Variants in MAG observed in about 807,000 individuals in gnomAD.
The protein encoded by MAG is myelin associated glycoprotein.
Under a neutral mutation model 60.7 loss-of-function variants are expected in MAG, and 30 were observed. The observed-to-expected ratio is 0.49, with a 90% CI of 0.37 to 0.67. The LOEUF is 0.67. Ranked by LOEUF, MAG falls within the 30% of genes least tolerant of loss-of-function variation. The pLI, the probability that MAG is intolerant of heterozygous loss-of-function variation, is 0.00. For synonymous variants in MAG, 384 were observed against 376.8 expected (o/e 1.02, Z -0.22); for missense variants, 795 against 851.7 (o/e 0.93, Z 0.83).
Position 35,295,479 on chromosome 19 carries a change from C to T in MAG, c.46+25C>T. ...GGTAACGGCTGACAGGTGCTGGGGA[C>T]CTAAAGGCTTTGGCCCCTGAGCAGG... On this transcript the variant is annotated intron_variant, in intron 3 of 10. Transcript: ENST00000392213. This position sits in a 1 kb window ranked among gnomAD's most constrained non-coding sequence, Gnocchi z 5.8. The T allele has an allele frequency of 6.2e-7, 1 of 1,613,774 alleles. No homozygotes were observed. The highest frequency in any genetic ancestry group is 8.5e-7 in the Non-Finnish European group (1 of 1,179,924).
chr19:35,309,293 G>A (rs2066507151), intron 7 of MAG, among the ~76,000 whole-genome samples: 1 of 152,150 alleles, frequency 6.6e-6, no homozygotes, highest in South Asian at 2.1e-4. Context: ...TCAGTCCAAA[G>A]CATTTGGGAG....
chr19:35,301,249 T>C (rs1328916577), intron 6 of MAG, among the ~76,000 whole-genome samples: 3 of 152,152 alleles, frequency 2.0e-5, no homozygotes, highest in African/African-American at 7.2e-5. Flanking sequence ...TCCAGCCCCT[T>C]GTATGCACAT....
rs891004533 is a variant in MAG, at chr19:35,309,692, C to G, written c.1232-182C>G. On this transcript the variant is annotated intron_variant, in intron 7 of 10. Coordinates refer to ENST00000392213, the MANE Select transcript of MAG (RefSeq NM_002361.4). ...AGTGAAAACAGGCAGCCGGCGGGGTCGTAGTGAGGTCAAGGCGCTCTCAGT... is the reference window on the plus strand; with the variant it reads ...AGTGAAAACAGGCAGCCGGCGGGGTGGTAGTGAGGTCAAGGCGCTCTCAGT... 1.4e-5 allele frequency: 9 copies of G among 661,610 alleles called. No individual in the cohort carries two copies. The Admixed American group carries it at 1.6e-4, about 12-fold the overall frequency. The allele number at this position is 661,610 out of a possible 1,614,324, so 41.0% of individuals were successfully genotyped here.
rs575785271 is a variant in MAG at position 35,295,350 on chromosome 19, T to G, written c.-23-36T>G. ...CCCAGATGGAACACCCCCTTTCACT[T>G]CCCCCAGCCTTTAACCCTCTCCTCT... On this transcript the variant is annotated intron_variant, in intron 2 of 10. Coordinates refer to ENST00000392213, the MANE Select transcript of MAG (RefSeq NM_002361.4). The surrounding 1 kb of genome is among the most constrained non-coding windows in gnomAD (Gnocchi z 5.8). The G allele has an allele frequency of 6.3e-7, 1 of 1,592,972 alleles. No homozygotes were observed. The highest frequency in any genetic ancestry group is 1.1e-5 in the South Asian group (1 of 90,244).
At position 35,299,464 on chromosome 19, in the gene MAG, G is replaced by C. The variant is rs912963179; in HGVS notation, c.416-90G>C. ...TTGAGGAGTACCATTGCCAGCAATG[G>C]AGGTGGACAAGGAGGAGGGTGGGTG... On this transcript the variant is annotated intron_variant, in intron 4 of 10. Coordinates refer to ENST00000392213, the MANE Select transcript of MAG (RefSeq NM_002361.4). 1.5e-5 allele frequency: 13 copies of C among 876,622 alleles called. No homozygotes were observed. The South Asian group carries it at 1.8e-4, about 12-fold the overall frequency. 54.3% of individuals were successfully genotyped at this position (876,622 alleles called of 1,614,324 possible).
chr19:35,297,014 G>A (rs1038882989), intron 4 of MAG, among the ~76,000 whole-genome samples: 3 of 139,526 alleles, frequency 2.2e-5, no homozygotes, highest in East Asian at 4.7e-4. Flanking sequence ...AAGCAGCAGC[G>A]CCACTCAGAA....
At chr19:35,303,054 G>C (rs1249864133) in intron 7 of MAG, among the ~76,000 whole-genome samples, 2 of 151,854 alleles carry the variant, frequency 1.3e-5, no homozygotes, top group Admixed American at 6.6e-5. Context: ...CTCCTGAGTA[G>C]CTGGGATTAC....
intron 4 of MAG, among the ~76,000 whole-genome samples, chr19:35,299,323 C>T (rs2066428181): frequency 6.6e-6 from 1 of 152,194 alleles, no homozygotes; most frequent in Admixed American, 6.5e-5. Context: ...GGCCACGACA[C>T]TGTGATTTTC....
intron 9 of MAG, among the ~76,000 whole-genome samples, chr19:35,310,934 A>G (rs1292132417): frequency 2.0e-5 from 3 of 152,144 alleles, no homozygotes; most frequent in African/African-American, 7.2e-5. Flanking sequence ...TCTCCCCTAC[A>G]CACTCCAGTG....
At chr19:35,294,319 C>T (rs1380348813) in intron 2 of MAG, 29 bp downstream of exon 2, 2 of 433,300 alleles carry the variant, frequency 4.6e-6, no homozygotes. Context: ...ACTCTCTTCC[C>T]TTGCTTCAGC....
chr19:35,304,736 C>A lies in MAG; in HGVS notation c.1231+2028C>A, dbSNP rs947104913. Among the ~76,000 whole-genome samples the A allele has an allele frequency of 2.6e-5, 4 of 152,168 alleles. No individual in the cohort carries two copies. The East Asian group carries it at 5.8e-4, about 22-fold the overall frequency. On this transcript the variant is annotated intron_variant, in intron 7 of 10. Coordinates refer to ENST00000392213, the MANE Select transcript of MAG (RefSeq NM_002361.4). Reference sequence around the variant, plus strand: ...TTTATTTTTAGTAGAGACGGGGTTTCTCCATGTTGCCCAGGCTGTTCTCCA... The same window carrying A: ...TTTATTTTTAGTAGAGACGGGGTTTATCCATGTTGCCCAGGCTGTTCTCCA...
At chr19:35,309,837 C>T in intron 7 of MAG, 37 bp from the exon 8 acceptor site, 4 of 1,588,956 alleles carry the variant, frequency 2.5e-6, no homozygotes, top group African/African-American at 2.7e-5. Flanking sequence ...CTCGCGTTGG[C>T]TCCGGGCCAC....
chr19:35,297,276 C>A lies in MAG; in HGVS notation c.415+1295C>A, dbSNP rs568687571. 9.0e-5 allele frequency among the ~76,000 whole-genome samples: 13 copies of A among 143,700 alleles called. No homozygotes were observed. The South Asian group carries it at 1.8e-3, about 20-fold the overall frequency. The allele number at this position is 143,700 out of a possible 152,430, so 94.3% of individuals were successfully genotyped here. A position where few individuals can be genotyped will look rare whatever the true frequency, so the allele number is the denominator to read the frequency against. ...CAAACCACACACCACACACTTCATA[C>A]ACTACACACACTACCCACACACCAC... On this transcript the variant is annotated intron_variant, in intron 4 of 10. Coordinates refer to ENST00000392213, the MANE Select transcript of MAG (RefSeq NM_002361.4).
chr19:35,299,571 G>A lies in MAG; in HGVS notation c.433G>A (p.Val145Met). Residue 145 changes from valine (V) to methionine (M), a missense_variant, in exon 5 of 11, where the codon GTG becomes ATG. By Grantham distance (21) the Val-to-Met change is conservative. Coordinates refer to ENST00000392213, the MANE Select transcript of MAG (RefSeq NM_002361.4). ...TCGTATAGACACCCCCAACATCGTG[G>A]TGCCCCCAGAGGTGGTGGCAGGCAC... ...LDIVNTPNIV[V>M]PPEVVAGTEV... 2 of 1,591,946 alleles carry A rather than the reference G, an allele frequency of 1.3e-6. No individual in the cohort carries two copies. Among genetic ancestry groups the A allele is most frequent in the South Asian group, 2.2e-5 (2 of 89,450 alleles).
At chr19:35,292,751 C>CT (rs1205999125) in intron 1 of MAG, among the ~76,000 whole-genome samples, 2 of 151,842 alleles carry the variant, frequency 1.3e-5, no homozygotes, top group Non-Finnish European at 2.9e-5. Flanking sequence ...ACTAAGGACA[C>CT]TTTTTATTTT....
chr19:35,293,275 CTGTGTGTG>C lies in MAG; in HGVS notation c.-79-943_-79-936del, dbSNP rs10557696. On this transcript the variant is annotated intron_variant, in intron 1 of 10. Coordinates refer to ENST00000392213, the MANE Select transcript of MAG (RefSeq NM_002361.4). This position sits in a 1 kb window ranked among gnomAD's most constrained non-coding sequence, Gnocchi z 4.0. ...TTGTTAGCCTGGCATGCATGCTGGG[CTGTGTGTG>C]TGTGTGTGTGTGTGTGCTGAATGCC... is the stretch of plus-strand genomic sequence containing the variant. Among the ~76,000 whole-genome samples the C allele has an allele frequency of 6.7e-6, 1 of 149,124 alleles. No individual in the cohort carries two copies. The highest frequency in any genetic ancestry group is 6.7e-5 in the Admixed American group (1 of 14,966).
In MAG at chr19:35,310,545, A is replaced by C. The variant is rs753222649; in HGVS notation, c.1520-2A>C. Reference sequence around the variant, plus strand: ...GGGCGCCTGGGTCTTTTCTGTCCTCAGATCGACTGATGTGGGCCAAGATCG... The same window carrying C: ...GGGCGCCTGGGTCTTTTCTGTCCTCCGATCGACTGATGTGGGCCAAGATCG... On this transcript the variant is annotated splice_acceptor_variant, in intron 8 of 10. Coordinates refer to ENST00000392213, the MANE Select transcript of MAG (RefSeq NM_002361.4). LOFTEE classifies it high-confidence loss of function. 2 of 1,614,090 alleles carry C rather than the reference A, an allele frequency of 1.2e-6. No homozygotes were observed. The highest frequency in any genetic ancestry group is 1.7e-6 in the Non-Finnish European group (2 of 1,179,970).
rs201798784 is a variant in MAG at position 35,295,682 on chromosome 19, C to T, written c.116C>T (p.Ser39Phe). Reference protein sequence around the residue: ...SISAFEGTCVSIPCRFDFPDE... With the variant: ...SISAFEGTCVFIPCRFDFPDE... ...TCGGCCTTCGAAGGCACGTGCGTCT[C>T]CATCCCCTGCCGCTTTGACTTCCCG... Residue 39 changes from serine to phenylalanine, a missense_variant, in exon 4 of 11, where the codon TCC becomes TTC. Ser to Phe is a radical substitution (Grantham distance 155). Coordinates refer to ENST00000392213, the MANE Select transcript of MAG (RefSeq NM_002361.4). This position sits in a 1 kb window ranked among gnomAD's most constrained non-coding sequence, Gnocchi z 5.8. 6.2e-7 allele frequency: 1 copy of T among 1,612,964 alleles called. No homozygotes were observed. Among genetic ancestry groups the T allele is most frequent in the Non-Finnish European group, 8.5e-7 (1 of 1,179,974 alleles).
chr19:35,309,966 G>T lies in MAG; in HGVS notation c.1324G>T (p.Val442Leu). The T allele has an allele frequency of 6.2e-7, 1 of 1,614,016 alleles. No individual in the cohort carries two copies. The highest frequency in any genetic ancestry group is 8.5e-7 in the Non-Finnish European group (1 of 1,179,936). The change falls in exon 8 of 11, where the codon GTG becomes TTG. Residue 442 changes from valine (V) to leucine (L), a missense_variant. Physicochemically the swap from Val to Leu is conservative, Grantham distance 32. Transcript: ENST00000392213. ...CVVKSNPEPS[V>L]AFELPSRNVT... Reference sequence around the variant, plus strand: ...GGTGAAGTCCAACCCGGAGCCGTCCGTGGCCTTTGAGCTGCCATCGCGCAA... The same window carrying T: ...GGTGAAGTCCAACCCGGAGCCGTCCTTGGCCTTTGAGCTGCCATCGCGCAA...
Sources: gnomAD v4.1 joint callset for allele counts (sites outside exome capture counted in the v4.1 genomes callset) on GRCh38, gnomAD v4.1.1 for gene constraint, Gnocchi (gnomAD v3.1) non-coding constraint, MANE v1.5 for transcripts, NCBI Gene and HGNC (gene_info 2026-07-23, HGNC 2026-07-21) for gene names.